CALD1: variants seen among roughly 807,000 people sequenced by gnomAD.
CALD1 encodes the protein caldesmon 1.
Under a neutral mutation model 99.9 loss-of-function variants are expected in CALD1, and 33 were observed. The ratio of observed to expected loss-of-function variants is 0.33; its 90% confidence interval spans 0.25 to 0.44. CALD1 has a LOEUF of 0.44. CALD1 is among the 20% of genes least tolerant of loss of function. The pLI, the probability that CALD1 is intolerant of heterozygous loss-of-function variation, is 1.00. For missense variants in CALD1, 861 were observed against 962.1 expected, an observed-to-expected ratio of 0.89 and a Z score of 1.39; for synonymous variants, 310 against 325.0, an observed-to-expected ratio of 0.95 and a Z score of 0.50.
At chr7:134,760,933 C>T (rs976785422) in intron 1 of CALD1, among the ~76,000 whole-genome samples, 1 of 152,094 alleles carries the variant, frequency 6.6e-6, no homozygotes, top group Admixed American at 6.5e-5. Context: ...CAGATCAAAA[C>T]AGTAAACGTT....
Position 134,849,109 on chromosome 7 carries a change from A to T in CALD1, c.-42+5138A>T, listed in dbSNP as rs554348634. Among the ~76,000 whole-genome samples, 4 of 152,214 alleles carry T rather than the reference A, an allele frequency of 2.6e-5. No homozygotes were observed. The East Asian group carries it at 7.7e-4, about 29-fold the overall frequency. On this transcript the variant is annotated intron_variant, in intron 2 of 14. Transcript: ENST00000361675. ...CGTAAATTGTGATTTCTAATACTGT[A>T]TTTATTTTTCATTGGCTTCGTCTTG...
chr7:134,742,635 G>C (rs778155797), upstream of CALD1, among the ~76,000 whole-genome samples: 10 of 152,184 alleles, frequency 6.6e-5, no homozygotes, highest in Non-Finnish European at 1.5e-4. Context: ...GTCACCGCAG[G>C]CAGCCCTGAA....
In CALD1 at chr7:134,932,037, G is replaced by C. The variant is rs185993081; in HGVS notation, c.219-951G>C. On this transcript the variant is annotated intron_variant, in intron 4 of 14. Coordinates refer to ENST00000361675, the MANE Select transcript of CALD1 (RefSeq NM_033138.4). ...TTGTGACTCTCAATCCCTAGGGCTT[G>C]GTGCTCCCTGATCTACCAACAGACA... 3.3e-5 allele frequency among the ~76,000 whole-genome samples: 5 copies of C among 152,280 alleles called. No individual in the cohort carries two copies. In the East Asian group the frequency reaches 9.6e-4, roughly 29 times the overall value.
At chr7:134,752,109 A>G (rs1237390622) in intron 1 of CALD1, among the ~76,000 whole-genome samples, 2 of 152,222 alleles carry the variant, frequency 1.3e-5, no homozygotes, top group Non-Finnish European at 2.9e-5. Flanking sequence ...GAGAAAGTTA[A>G]TATGGATCTT....
At chr7:134,847,298 A>C (rs1330347043) in intron 2 of CALD1, among the ~76,000 whole-genome samples, 4 of 152,158 alleles carry the variant, frequency 2.6e-5, no homozygotes, top group African/African-American at 9.7e-5. Context: ...CAAAGTCCTT[A>C]GTCTCCTTTG....
At chr7:134,813,681 G>A (rs143978909) in intron 1 of CALD1, among the ~76,000 whole-genome samples, 3 of 152,306 alleles carry the variant, frequency 2.0e-5, no homozygotes, top group Admixed American at 6.5e-5. Flanking sequence ...AGGAGGTTTG[G>A]AGACTTCAAG....
intron 1 of CALD1, among the ~76,000 whole-genome samples, chr7:134,751,914 T>G (rs950197615): frequency 2.6e-5 from 4 of 152,082 alleles, no homozygotes; most frequent in South Asian, 4.2e-4. Context: ...GGACGGAGGT[T>G]GCAGTGAGCC....
the CALD1 span, among the ~76,000 whole-genome samples, chr7:134,738,388 C>T: frequency 6.6e-6 from 1 of 152,152 alleles, no homozygotes; most frequent in Non-Finnish European, 1.5e-5. Flanking sequence ...TGATTTCAGC[C>T]TGCCATCTCA....
chr7:134,775,974 T>C (rs995499958), upstream of CALD1, among the ~76,000 whole-genome samples: 40 of 152,230 alleles, frequency 2.6e-4, no homozygotes, highest in African/African-American at 9.6e-4. Flanking sequence ...ACAGAAACTC[T>C]AGGTTTTTGC....
intron 3 of CALD1, chr7:134,891,504 C>G (rs1014940689): frequency 6.7e-7 from 1 of 1,483,114 alleles, no homozygotes; most frequent in Non-Finnish European, 9.0e-7. Flanking sequence ...CATCCTGCAC[C>G]GTGCATTTCA....
At chr7:134,718,039 C>T in the CALD1 span, among the ~76,000 whole-genome samples, 1 of 152,150 alleles carries the variant, frequency 6.6e-6, no homozygotes, top group African/African-American at 2.4e-5. Flanking sequence ...CATTTGGTAC[C>T]TATTTTTCTT....
chr7:134,833,632 CACTT>C (rs1319811430), intron 1 of CALD1, among the ~76,000 whole-genome samples: 1 of 152,336 alleles, frequency 6.6e-6, no homozygotes, highest in African/African-American at 2.4e-5. Context: ...CTGGAGACCT[CACTT>C]ATTTATTCAC....
intron 1 of CALD1, among the ~76,000 whole-genome samples, chr7:134,799,441 G>A (rs1325898727): frequency 6.6e-6 from 1 of 152,158 alleles, no homozygotes; most frequent in Non-Finnish European, 1.5e-5. Flanking sequence ...GGTGGAAATG[G>A]TTACTAAGTT....
the CALD1 span, among the ~76,000 whole-genome samples, chr7:134,728,533 T>C: frequency 6.6e-6 from 1 of 152,224 alleles, no homozygotes; most frequent in Admixed American, 6.5e-5. Context: ...TAGTTGACGA[T>C]ATACAGAGGA....
At chr7:134,919,309 T>C (rs755945425) in intron 3 of CALD1, among the ~76,000 whole-genome samples, 19 of 152,154 alleles carry the variant, frequency 1.2e-4, no homozygotes, top group Non-Finnish European at 2.4e-4. Context: ...CCAGACCTGA[T>C]CTATTTGTTG....
At chr7:134,768,673 A>C (rs1373476685) in intron 1 of CALD1, among the ~76,000 whole-genome samples, 1 of 152,118 alleles carries the variant, frequency 6.6e-6, no homozygotes, top group Non-Finnish European at 1.5e-5. Flanking sequence ...TTTATATTGC[A>C]ATTTTTTAAA....
At chr7:134,764,413 T>G (rs1796808196) in intron 1 of CALD1, among the ~76,000 whole-genome samples, 1 of 152,226 alleles carries the variant, frequency 6.6e-6, no homozygotes, top group Non-Finnish European at 1.5e-5. Flanking sequence ...GATATATGAC[T>G]GATGATTTTA....
the CALD1 span, among the ~76,000 whole-genome samples, chr7:134,722,564 GGA>G: frequency 6.6e-6 from 1 of 152,064 alleles, no homozygotes; most frequent in South Asian, 2.1e-4. Context: ...TAGGATTACA[GGA>G]GCATGCCACC....
At chr7:134,786,298 A>G (rs1797303665) in intron 1 of CALD1, among the ~76,000 whole-genome samples, 1 of 152,252 alleles carries the variant, frequency 6.6e-6, no homozygotes, top group Non-Finnish European at 1.5e-5. Context: ...CATTATAATG[A>G]TAAAATGCTA....
Sources: gnomAD v4.1 joint callset for allele counts (sites outside exome capture counted in the v4.1 genomes callset) on GRCh38, gnomAD v4.1.1 for gene constraint, MANE v1.5 for transcripts, NCBI Gene and HGNC (gene_info 2026-07-23, HGNC 2026-07-21) for gene names.